MAPK8IP3: variants seen among roughly 807,000 people sequenced by gnomAD.
MAPK8IP3 encodes C-Jun-amino-terminal kinase-interacting protein 3.
Under a neutral mutation model 157.8 loss-of-function variants are expected in MAPK8IP3, and 49 were observed. The ratio of observed to expected loss-of-function variants is 0.31; its 90% confidence interval spans 0.25 to 0.39. The LOEUF (loss-of-function observed/expected upper bound fraction) is 0.39. Among genes scored for constraint, MAPK8IP3 ranks in the 10% least tolerant of loss-of-function variants. MAPK8IP3 has a pLI of 1.00. For synonymous variants in MAPK8IP3, 897 were observed against 777.7 expected (o/e 1.15, Z -2.55); for missense variants, 1,478 against 1,889.4 (o/e 0.78, Z 4.04).
At chr16:1,744,323 G>T (rs2040843630) in intron 5 of MAPK8IP3, 2 of 985,940 alleles carry the variant, frequency 2.0e-6, no homozygotes, top group African/African-American at 3.5e-5. Flanking sequence ...TGGATGTGGG[G>T]CCTGGGACTT....
At chr16:1,768,174 G>C in intron 29 of MAPK8IP3, 25 bp from the exon 30 acceptor site, 3 of 1,611,992 alleles carry the variant, frequency 1.9e-6, no homozygotes, top group Non-Finnish European at 2.5e-6. Context: ...TGCGGGCTCA[G>C]CGCCTCTGGG....
chr16:1,764,458 A>T lies in MAPK8IP3; in HGVS notation c.2279A>T (p.Lys760Met), dbSNP rs1396265860. 1 of 1,608,414 alleles carries T rather than the reference A, an allele frequency of 6.2e-7. No individual in the cohort carries two copies. The highest frequency in any genetic ancestry group is 8.5e-7 in the Non-Finnish European group (1 of 1,178,984). Residue 760 changes from lysine to methionine, a missense_variant and splice_region_variant, in exon 19 of 32, where the codon AAG becomes ATG. Transcript: ENST00000610761. The part of the protein sequence containing the change: ...KSAHTSPEKK[K>M]AKELPEMDAT... ...GCCCACACGTCTCCCGAGAAGAAGA[A>T]GGTGAGCATGGCCGAGGCCACCGGG...
At chr16:1,753,767 C>T (rs556514956) in intron 8 of MAPK8IP3, among the ~76,000 whole-genome samples, 1 of 151,264 alleles carries the variant, frequency 6.6e-6, no homozygotes, top group South Asian at 2.1e-4. Context: ...TAGGAATCTT[C>T]AAGAAAGAAA....
chr16:1,764,781 T>C (rs1400882126), intron 19 of MAPK8IP3, among the ~76,000 whole-genome samples: 1 of 152,196 alleles, frequency 6.6e-6, no homozygotes, highest in African/African-American at 2.4e-5. Flanking sequence ...TATGCCCAGC[T>C]TGGGCCTCTT....
chr16:1,738,137 T>TGA (rs2040194281), intron 4 of MAPK8IP3, among the ~76,000 whole-genome samples: 2 of 84,908 alleles, frequency 2.4e-5, no homozygotes, highest in Non-Finnish European at 4.5e-5. Context: ...ACTGTCCGTG[T>TGA]GTGTGACCAT....
chr16:1,737,611 T>C (rs2040093924), intron 4 of MAPK8IP3, among the ~76,000 whole-genome samples: 1 of 84,702 alleles, frequency 1.2e-5, no homozygotes, highest in African/African-American at 5.0e-5. Flanking sequence ...CGTGTGACCG[T>C]CCGTGTGTGT....
rs1389719254 is a variant in MAPK8IP3 at position 1,766,921 on chromosome 16, T to C, written c.3038T>C (p.Val1013Ala). ...TGTTTCAGGCATGTCAAAGGCCGTG[T>C]GCTGGTGGCTCTGGCGGACGGGACC... Reference protein sequence around the residue: ...VLSLVHVKGRVLVALADGTLA... With the variant: ...VLSLVHVKGRALVALADGTLA... The change falls in exon 25 of 32, where the codon GTG (valine) becomes GCG (alanine). Residue 1013 changes from valine to alanine, a missense_variant. Val to Ala is a moderately conservative substitution (Grantham distance 64). Coordinates refer to ENST00000610761, the MANE Select transcript of MAPK8IP3 (RefSeq NM_001318852.2). 2 of 1,599,996 alleles carry C rather than the reference T, an allele frequency of 1.3e-6. No homozygotes were observed. Among genetic ancestry groups the C allele is most frequent in the East Asian group, 2.2e-5 (1 of 44,650 alleles).
rs1278905797 is a variant in MAPK8IP3, at chr16:1,751,631, CA to C, written c.1216+2912del. On this transcript the variant is annotated intron_variant, in intron 8 of 31. Transcript: ENST00000610761. The surrounding 1 kb of genome is among the most constrained non-coding windows in gnomAD (Gnocchi z 5.0). ...ATTCATTCACTTACGGTGTACAGTC[CA>C]GTGGGTCTTAGCATGCTCGGTGTTG... The C allele has an allele frequency of 3.3e-5, 5 of 152,198 alleles. No individual in the cohort carries two copies. Among genetic ancestry groups the C allele is most frequent in the Non-Finnish European group, 5.9e-5 (4 of 68,068 alleles). The allele number at this position is 152,198 out of a possible 1,614,324, so 9.4% of individuals were successfully genotyped here. A position where few individuals can be genotyped will look rare whatever the true frequency, so the allele number is the denominator to read the frequency against.
intron 1 of MAPK8IP3, among the ~76,000 whole-genome samples, chr16:1,720,075 C>T (rs941156087): frequency 6.6e-6 from 1 of 152,230 alleles, no homozygotes; most frequent in Non-Finnish European, 1.5e-5. Context: ...TGGAATCTCG[C>T]TCTTGTTGCC....
intron 1 of MAPK8IP3, among the ~76,000 whole-genome samples, chr16:1,711,380 A>T (rs2037759779): frequency 6.6e-6 from 1 of 152,180 alleles, no homozygotes; most frequent in East Asian, 1.9e-4. Flanking sequence ...AGTCTGGCTC[A>T]TGGGCCCTGG....
At chr16:1,752,082 ATCCG>A (rs2041322009) in intron 8 of MAPK8IP3, 1 of 152,498 alleles carries the variant, frequency 6.6e-6, no homozygotes, top group African/African-American at 2.4e-5. Context: ...TGGCCTGCGC[ATCCG>A]CCCATCCTGT....
intron 1 of MAPK8IP3, among the ~76,000 whole-genome samples, chr16:1,715,303 CCAG>C (rs1185480998): frequency 6.6e-6 from 1 of 152,154 alleles, no homozygotes; most frequent in Non-Finnish European, 1.5e-5. Flanking sequence ...CGTGTCCCGT[CCAG>C]CAGGCTTCAG....
At chr16:1,760,678 C>A (rs909697219) in intron 12 of MAPK8IP3, 146 bp downstream of exon 12, 6 of 1,020,374 alleles carry the variant, frequency 5.9e-6, no homozygotes, top group Non-Finnish European at 8.3e-6. Context: ...AGCCACTCCA[C>A]CCCAACCAGC....
intron 4 of MAPK8IP3, among the ~76,000 whole-genome samples, chr16:1,732,340 C>T (rs1474562615): frequency 1.3e-5 from 2 of 152,234 alleles, no homozygotes; most frequent in Non-Finnish European, 2.9e-5. Flanking sequence ...GCGAAAGCTG[C>T]ATCGTGCCTG....
rs540279320 is a variant in MAPK8IP3, at chr16:1,709,012, C to T, written c.318+2355C>T. Among the ~76,000 whole-genome samples the T allele has an allele frequency of 1.3e-4, 20 of 152,288 alleles. No homozygotes were observed. The South Asian group carries it at 1.9e-3, about 14-fold the overall frequency. ...GGAGCGGGACGTCACACGCTGCAGG[C>T]GTGTCTTGTTGCAGAGGAGCTCCTG... On this transcript the variant is annotated intron_variant, in intron 1 of 31. Coordinates refer to ENST00000610761, the MANE Select transcript of MAPK8IP3 (RefSeq NM_001318852.2).
chr16:1,718,653 G>T (rs1301895208), intron 1 of MAPK8IP3, among the ~76,000 whole-genome samples: 1 of 151,888 alleles, frequency 6.6e-6, no homozygotes, highest in African/African-American at 2.4e-5. Context: ...AATTAGCCGG[G>T]CATGGTGGTG....
At chr16:1,707,008 G>A (rs2037443979) in intron 1 of MAPK8IP3, among the ~76,000 whole-genome samples, 1 of 150,384 alleles carries the variant, frequency 6.6e-6, no homozygotes, top group African/African-American at 2.5e-5. Context: ...TGTGCCTGGC[G>A]TCATCCCCGG....
In MAPK8IP3 at chr16:1,747,143, C is replaced by T. The variant is rs761987548; in HGVS notation, c.862C>T (p.Pro288Ser). ...CTCCGTGCCCTCGGCCGCCGTCACA[C>T]CCCTCAACGAGAGCCTGCAGCCCCT... ...TSSVPSAAVT[P>S]LNESLQPLGD... Residue 288 changes from proline to serine, a missense_variant, in exon 6 of 32, where the codon CCC (proline) becomes TCC (serine). Coordinates refer to ENST00000610761, the MANE Select transcript of MAPK8IP3 (RefSeq NM_001318852.2). 6.2e-7 allele frequency: 1 copy of T among 1,614,050 alleles called. No homozygotes were observed. The highest frequency in any genetic ancestry group is 8.5e-7 in the Non-Finnish European group (1 of 1,180,018).
At chr16:1,737,097 ACCAT>A (rs1424629145) in intron 4 of MAPK8IP3, among the ~76,000 whole-genome samples, 3 of 67,250 alleles carry the variant, frequency 4.5e-5, no homozygotes, top group African/African-American at 6.0e-5. Flanking sequence ...TGTGAGTGTG[ACCAT>A]CCATGTGAGC....
Sources: gnomAD v4.1 joint callset for allele counts (sites outside exome capture counted in the v4.1 genomes callset) on GRCh38, gnomAD v4.1.1 for gene constraint, Gnocchi (gnomAD v3.1) non-coding constraint, MANE v1.5 for transcripts, NCBI Gene and HGNC (gene_info 2026-07-23, HGNC 2026-07-21) for gene names.